SLC4A4: variants seen among roughly 807,000 people sequenced by gnomAD.
SLC4A4 encodes solute carrier family 4 member 4.
Under a neutral mutation model 111.5 loss-of-function variants are expected in SLC4A4, and 27 were observed. That is an observed-to-expected ratio of 0.24 (90% CI 0.18 to 0.33). The LOEUF (loss-of-function observed/expected upper bound fraction) is 0.33, where lower values mean the gene tolerates loss of function less well. Among genes scored for constraint, SLC4A4 ranks in the 10% least tolerant of loss-of-function variants. The pLI is 1.00. For synonymous variants in SLC4A4, 443 were observed against 463.4 expected (o/e 0.96, Z 0.57); for missense variants, 909 against 1,315.5 (o/e 0.69, Z 4.78).
chr4:71,469,364 G>A (rs900672345), intron 13 of SLC4A4, among the ~76,000 whole-genome samples: 12 of 151,668 alleles, frequency 7.9e-5, no homozygotes, highest in Non-Finnish European at 1.3e-4. Context: ...TGATATTACC[G>A]GATGTATTTT....
At position 71,400,560 on chromosome 4, in the gene SLC4A4, G is replaced by A. The variant is rs151226835; in HGVS notation, c.807+2907G>A. Among the ~76,000 whole-genome samples, 47 of 152,286 alleles carry A rather than the reference G, an allele frequency of 3.1e-4. 1 individual carries two copies. In the East Asian group the frequency reaches 8.9e-3, roughly 29 times the overall value. On this transcript the variant is annotated intron_variant, in intron 7 of 25. Transcript: ENST00000264485. ...TAATCTAATTTGTATCTATTACAGT[G>A]TATATAGTTAATCCAATGAGTTCTT...
intron 2 of SLC4A4, among the ~76,000 whole-genome samples, chr4:71,175,301 T>C (rs1373748192): frequency 6.6e-6 from 1 of 152,196 alleles, no homozygotes; most frequent in South Asian, 2.1e-4. Flanking sequence ...CATTTCCAAC[T>C]GAGGTACGGG....
chr4:71,255,316 A>G lies in SLC4A4; in HGVS notation c.170A>G (p.Lys57Arg), dbSNP rs1037177466. 7 of 1,613,428 alleles carry G rather than the reference A, an allele frequency of 4.3e-6. No homozygotes were observed. The highest frequency in any genetic ancestry group is 5.9e-6 in the Non-Finnish European group (7 of 1,179,596). Residue 57 changes from lysine to arginine, a missense_variant, in exon 3 of 26, where the codon AAG becomes AGG. By Grantham distance (26) the Lys-to-Arg change is conservative. Around this residue, in one of 7 missense-constraint regions of SLC4A4, gnomAD observed 117 missense variants for 154.2 expected, o/e 0.76. Coordinates refer to ENST00000264485, the MANE Select transcript of SLC4A4 (RefSeq NM_001098484.3). Reference sequence around the variant, plus strand: ...ACAGGGCACAAAGAAAAGAAGGAAAAGGAGAGAATCTCTGAGAACTACTCT... The same window carrying G: ...ACAGGGCACAAAGAAAAGAAGGAAAGGGAGAGAATCTCTGAGAACTACTCT... Reference protein sequence around the residue: ...RKTGHKEKKEKERISENYSDK... With the variant: ...RKTGHKEKKERERISENYSDK...
chr4:71,308,518 G>A (rs1367291249), intron 3 of SLC4A4, among the ~76,000 whole-genome samples: 2 of 152,110 alleles, frequency 1.3e-5, no homozygotes, highest in Non-Finnish European at 2.9e-5. Flanking sequence ...TTCCAACTGA[G>A]GTAGCCAGTT....
At chr4:71,376,369 T>C (rs921507851) in intron 6 of SLC4A4, among the ~76,000 whole-genome samples, 2 of 150,436 alleles carry the variant, frequency 1.3e-5, no homozygotes, top group Non-Finnish European at 3.0e-5. Context: ...GCCTGGCTAA[T>C]TTTTTTGTTA....
At chr4:71,181,637 AG>A (rs1388931709) in intron 2 of SLC4A4, among the ~76,000 whole-genome samples, 2 of 152,254 alleles carry the variant, frequency 1.3e-5, no homozygotes, top group Non-Finnish European at 2.9e-5. Flanking sequence ...GTTCCAAAAA[AG>A]AAGGAATGCC....
chr4:71,564,296 G>T (rs1737271493), intron 24 of SLC4A4, among the ~76,000 whole-genome samples: 1 of 151,078 alleles, frequency 6.6e-6, no homozygotes, highest in Non-Finnish European at 1.5e-5. Flanking sequence ...TTGCATCATT[G>T]GTCTCTCAGT....
chr4:71,472,341 C>G (rs1273550347), intron 13 of SLC4A4, among the ~76,000 whole-genome samples: 1 of 151,856 alleles, frequency 6.6e-6, no homozygotes. Flanking sequence ...AAAACTCATA[C>G]AAACGTTTAT....
At chr4:71,460,077 A>G (rs1726675711) in intron 12 of SLC4A4, among the ~76,000 whole-genome samples, 1 of 151,920 alleles carries the variant, frequency 6.6e-6, no homozygotes, top group Non-Finnish European at 1.5e-5. Flanking sequence ...TGTGAGAAAT[A>G]TTACAAAACA....
intron 16 of SLC4A4, among the ~76,000 whole-genome samples, chr4:71,516,384 A>G (rs527950323): frequency 1.3e-5 from 2 of 152,136 alleles, no homozygotes; most frequent in Admixed American, 1.3e-4. Context: ...GGCGTGAGCC[A>G]CCGCGCCCAG....
chr4:71,562,637 A>G (rs578252380), intron 23 of SLC4A4, among the ~76,000 whole-genome samples: 5 of 151,090 alleles, frequency 3.3e-5, no homozygotes, highest in Non-Finnish European at 7.4e-5. Flanking sequence ...TTTTGAGCCT[A>G]TGTGTGTCTT....
intron 2 of SLC4A4, among the ~76,000 whole-genome samples, chr4:71,143,431 C>T (rs1377235002): frequency 1.3e-5 from 2 of 152,094 alleles, no homozygotes; most frequent in African/African-American, 4.8e-5. Context: ...GTCTTTATAG[C>T]AGCATGATTT....
rs766438964 is a variant in SLC4A4 at position 71,546,493 on chromosome 4, T to G, written c.2586T>G (p.Ser862=). 11 of 1,612,624 alleles carry G rather than the reference T, an allele frequency of 6.8e-6. No homozygotes were observed. The highest frequency in any genetic ancestry group is 7.6e-6 in the Non-Finnish European group (9 of 1,179,036). The change falls in exon 19 of 26, where the codon TCT becomes TCG. Residue 862 remains serine (S), a synonymous_variant. Transcript: ENST00000264485. The part of the protein sequence containing the change: ...IDSLKMETET[S]APGEQPKFLG... The stretch of plus-strand genomic sequence containing the variant: ...GTTTGAAGATGGAGACAGAGACTTC[T>G]GCACCTGGAGAACAACCAAAGTTTC...
intron 16 of SLC4A4, among the ~76,000 whole-genome samples, chr4:71,500,485 C>CT (rs535112201): frequency 2.8e-4 from 43 of 151,860 alleles, no homozygotes; most frequent in Admixed American, 7.9e-4. Context: ...TGGCTATTTT[C>CT]TTTTTTTTGT....
intron 2 of SLC4A4, among the ~76,000 whole-genome samples, chr4:71,134,295 G>A (rs1743787111): frequency 6.6e-6 from 1 of 152,152 alleles, no homozygotes; most frequent in Non-Finnish European, 1.5e-5. Flanking sequence ...ATTCTCCCAT[G>A]TCACTGCTGG....
intron 1 of SLC4A4, among the ~76,000 whole-genome samples, chr4:71,193,276 C>T (rs1216469419): frequency 6.6e-6 from 1 of 152,180 alleles, no homozygotes; most frequent in Non-Finnish European, 1.5e-5. Context: ...TCTCCTGCCT[C>T]AGCCTCCCGA....
intron 13 of SLC4A4, among the ~76,000 whole-genome samples, chr4:71,469,214 G>A (rs746305289): frequency 6.6e-6 from 1 of 151,832 alleles, no homozygotes; most frequent in African/African-American, 2.4e-5. Context: ...AGATGTTTCA[G>A]CAATGTGTTC....
chr4:71,339,582 G>A (rs1449903704), intron 4 of SLC4A4, 77 bp downstream of exon 4: 15 of 1,447,378 alleles, frequency 1.0e-5, no homozygotes, highest in Admixed American at 7.0e-5. Flanking sequence ...CTGGAGTGCC[G>A]TTCTTTAGCC....
At chr4:71,196,962 C>G (rs1746039335) in intron 1 of SLC4A4, among the ~76,000 whole-genome samples, 1 of 149,520 alleles carries the variant, frequency 6.7e-6, no homozygotes. Flanking sequence ...CGCATATAAT[C>G]CCAGCACTTT....
Sources: allele counts gnomAD v4.1 joint callset (sites outside exome capture counted in the v4.1 genomes callset), GRCh38; gene constraint gnomAD v4.1.1; regional missense constraint gnomAD v4.1.1; transcripts MANE v1.5; gene names NCBI Gene and HGNC (gene_info 2026-07-23, HGNC 2026-07-21).